The following AFP variants were observed in gnomAD, a reference collection of about 807,000 sequenced individuals.
AFP encodes alpha fetoprotein.
A neutral mutation model predicts 78.9 loss-of-function variants in AFP; 64 were observed. The ratio of observed to expected loss-of-function variants is 0.81; its 90% confidence interval spans 0.66 to 1.00. The LOEUF is 1.00. AFP is among the 50% of genes least tolerant of loss of function. The pLI is 0.00. For missense variants in AFP, 689 were observed against 703.8 expected (o/e 0.98, Z 0.24); for synonymous variants, 254 against 243.8 (o/e 1.04, Z -0.39).
chr4:73,438,842 A>C (rs1306624111), intron 3 of AFP, among the ~76,000 whole-genome samples: 1 of 152,106 alleles, frequency 6.6e-6, no homozygotes, highest in Non-Finnish European at 1.5e-5. Flanking sequence ...TTGCTTACCT[A>C]TATTTATTTA....
chr4:73,452,387 ATTCTCC>A lies in AFP; in HGVS notation c.1429-12_1429-7del, dbSNP rs764336607. 7 of 1,611,564 alleles carry A rather than the reference ATTCTCC, an allele frequency of 4.3e-6. No individual in the cohort carries two copies. In the South Asian group the frequency reaches 7.7e-5, roughly 18 times the overall value. ...CCCAATCTCCTTACTTTTTTTTCTC[ATTCTCC>A]TAACCAGGCTGACATTATTATCGGA... On this transcript the variant is annotated splice_region_variant and splice_polypyrimidine_tract_variant and intron_variant, in intron 11 of 14. Transcript: ENST00000395792.
At chr4:73,448,778 A>T (rs1465131613) in intron 8 of AFP, among the ~76,000 whole-genome samples, 1 of 152,136 alleles carries the variant, frequency 6.6e-6, no homozygotes, top group Non-Finnish European at 1.5e-5. Context: ...GGCTTCTTTC[A>T]CTTAGCTGAT....
chr4:73,442,291 C>A lies in AFP; in HGVS notation c.483-5C>A. 1 of 1,612,816 alleles carries A rather than the reference C, an allele frequency of 6.2e-7. No individual in the cohort carries two copies. Among genetic ancestry groups the A allele is most frequent in the Non-Finnish European group, 8.5e-7 (1 of 1,179,264 alleles). The stretch of plus-strand genomic sequence containing the variant: ...TAAATCTTCTAGCTCTATTTTATTT[C>A]ACAGATTCATTTATGAGATAGCAAG... On this transcript the variant is annotated splice_polypyrimidine_tract_variant and splice_region_variant and intron_variant, in intron 4 of 14. Transcript: ENST00000395792.
intron 1 of AFP, 46 bp downstream of exon 1, chr4:73,436,393 T>C (rs746390255): frequency 3.6e-6 from 4 of 1,125,870 alleles, no homozygotes; most frequent in Non-Finnish European, 5.1e-6. Flanking sequence ...TATCAAAATT[T>C]TTTAAATTAT....
At chr4:73,441,901 C>T (rs1283203291) in intron 4 of AFP, among the ~76,000 whole-genome samples, 1 of 152,190 alleles carries the variant, frequency 6.6e-6, no homozygotes, top group East Asian at 1.9e-4. Flanking sequence ...TGCATAACCC[C>T]ATTCTGCACT....
In AFP at chr4:73,447,416, TA is replaced by T. The variant is rs757216268; in HGVS notation, c.844-43del. ...TAAAGCTGGCTTTGAGATCCTTTAT[TA>T]AAGAATAAATCTTTAAAACTTATAC... On this transcript the variant is annotated intron_variant, in intron 7 of 14. Coordinates refer to ENST00000395792, the MANE Select transcript of AFP (RefSeq NM_001134.3). The T allele has an allele frequency of 5.6e-6, 8 of 1,431,706 alleles. No homozygotes were observed. The Admixed American group carries it at 6.2e-5, about 11-fold the overall frequency. 88.7% of individuals were successfully genotyped at this position (1,431,706 alleles called of 1,614,324 possible). A position where few individuals can be genotyped will look rare whatever the true frequency, so the allele number is the denominator to read the frequency against.
intron 3 of AFP, among the ~76,000 whole-genome samples, chr4:73,439,274 T>C (rs977572089): frequency 6.6e-6 from 1 of 152,162 alleles, no homozygotes; most frequent in East Asian, 1.9e-4. Flanking sequence ...TACTCTGTTA[T>C]GGTGGGGTTA....
At position 73,447,811 on chromosome 4, in the gene AFP, G is replaced by C. The variant is rs1321293158; in HGVS notation, c.1058+135G>C. 4.0e-6 allele frequency: 3 copies of C among 757,236 alleles called. No homozygotes were observed. In the East Asian group the frequency reaches 8.1e-5, roughly 20 times the overall value. The allele number at this position is 757,236 out of a possible 1,614,324, so 46.9% of individuals were successfully genotyped here. A position where few individuals can be genotyped will look rare whatever the true frequency, so the allele number is the denominator to read the frequency against. ...TGAGGATATTTGGCTAGAATGTTCT[G>C]AGCCAAAATAGATTTCAGTAGATAA... is the stretch of plus-strand genomic sequence containing the variant. On this transcript the variant is annotated intron_variant, in intron 8 of 14. Coordinates refer to ENST00000395792, the MANE Select transcript of AFP (RefSeq NM_001134.3).
Position 73,450,750 on chromosome 4 carries a change from A to G in AFP, c.1425A>G (p.Gly475=), listed in dbSNP as rs773971129. 1 of 1,614,024 alleles carries G rather than the reference A, an allele frequency of 6.2e-7. No individual in the cohort carries two copies. The highest frequency in any genetic ancestry group is 8.5e-7 in the Non-Finnish European group (1 of 1,179,994). The change falls in exon 11 of 15, where the codon GGA becomes GGG. Residue 475 remains glycine (G), a synonymous_variant. Coordinates refer to ENST00000395792, the MANE Select transcript of AFP (RefSeq NM_001134.3). The stretch of plus-strand genomic sequence containing the variant: ...ACAAACTATTGGCCTGTGGCGAGGG[A>G]GCGGTGAGTGTCTGCTTGGTTTGGT... ...SEDKLLACGE[G]AADIIIGHLC... is the part of the protein sequence containing the mutation.
chr4:73,448,080 A>C (rs1029119487), intron 8 of AFP, among the ~76,000 whole-genome samples: 1 of 152,182 alleles, frequency 6.6e-6, no homozygotes, highest in African/African-American at 2.4e-5. Context: ...ATGTTAAAAA[A>C]AAAACTTTTC....
chr4:73,443,506 G>C (rs1478913693), intron 6 of AFP, 62 bp downstream of exon 6: 1 of 1,359,060 alleles, frequency 7.4e-7, no homozygotes, highest in Non-Finnish European at 1.1e-6. Flanking sequence ...TTTGCAATTT[G>C]GGTTCGTTTT....
intron 8 of AFP, 61 bp downstream of exon 8, chr4:73,447,737 T>A: frequency 1.7e-5 from 24 of 1,391,172 alleles, no homozygotes; most frequent in Non-Finnish European, 2.2e-5. Context: ...CTGACAGATT[T>A]GCGTTGTTGA....
chr4:73,437,290 T>C (rs1719535884), intron 2 of AFP, 79 bp downstream of exon 2: 1 of 1,183,436 alleles, frequency 8.4e-7, no homozygotes, highest in African/African-American at 1.5e-5. Context: ...TGGGTACCCC[T>C]GTGAGCTCTT....
intron 3 of AFP, among the ~76,000 whole-genome samples, chr4:73,439,048 G>A (rs1240796038): frequency 6.6e-6 from 1 of 152,056 alleles, no homozygotes. Flanking sequence ...AAGATGCATA[G>A]CACATCGTTA....
intron 11 of AFP, among the ~76,000 whole-genome samples, chr4:73,451,898 AGT>A (rs1444236763): frequency 2.0e-5 from 3 of 152,252 alleles, no homozygotes; most frequent in African/African-American, 7.2e-5. Flanking sequence ...ACATTAGGAA[AGT>A]CTTAAAAACC....
Position 73,454,825 on chromosome 4 carries a change from G to A in AFP, c.1786-411G>A, listed in dbSNP as rs527815435. ...TAGATAACCAAATTAGATAAAACTG[G>A]TGAAACAGATTTGATGTGAAGCATT... is the stretch of plus-strand genomic sequence containing the variant. On this transcript the variant is annotated intron_variant, in intron 13 of 14. Coordinates refer to ENST00000395792, the MANE Select transcript of AFP (RefSeq NM_001134.3). Among the ~76,000 whole-genome samples, 3 of 152,214 alleles carry A rather than the reference G, an allele frequency of 2.0e-5. No homozygotes were observed. In the South Asian group the frequency reaches 6.2e-4, roughly 32 times the overall value.
intron 13 of AFP, 70 bp from the exon 14 acceptor site, chr4:73,455,166 A>G: frequency 8.4e-7 from 1 of 1,191,094 alleles, no homozygotes; most frequent in South Asian, 1.2e-5. Context: ...CCCGGATTGT[A>G]GAGTGTTAAC....
rs571097710 is a variant in AFP, at chr4:73,447,751, G to A, written c.1058+75G>A. On this transcript the variant is annotated intron_variant, in intron 8 of 14. Transcript: ENST00000395792. The stretch of plus-strand genomic sequence containing the variant: ...GCTGACAGATTTGCGTTGTTGAAAT[G>A]GAGAGTGATGATTATGGTTTTTGAG... 65 of 1,242,334 alleles carry A rather than the reference G, an allele frequency of 5.2e-5. No homozygotes were observed. In the African/African-American group the frequency reaches 8.0e-4, roughly 15 times the overall value. The allele number at this position is 1,242,334 out of a possible 1,614,324, so 77.0% of individuals were successfully genotyped here.
Position 73,452,255 on chromosome 4 carries a change from C to T in AFP, c.1429-146C>T. 4 of 717,292 alleles carry T rather than the reference C, an allele frequency of 5.6e-6. No homozygotes were observed. The South Asian group carries it at 6.5e-5, about 12-fold the overall frequency. The allele number at this position is 717,292 out of a possible 1,614,324, so 44.4% of individuals were successfully genotyped here. A position where few individuals can be genotyped will look rare whatever the true frequency, so the allele number is the denominator to read the frequency against. On this transcript the variant is annotated intron_variant, in intron 11 of 14. Coordinates refer to ENST00000395792, the MANE Select transcript of AFP (RefSeq NM_001134.3). ...TCCTGGAATTTACAATATAATGTCA[C>T]ATGATCCTACATAGCAAATTTTCCT...
Sources: gnomAD v4.1 joint callset for allele counts (sites outside exome capture counted in the v4.1 genomes callset) on GRCh38, gnomAD v4.1.1 for gene constraint, MANE v1.5 for transcripts, NCBI Gene and HGNC (gene_info 2026-07-23, HGNC 2026-07-21) for gene names.